CHD7: variants seen among roughly 807,000 people sequenced by gnomAD.
The protein encoded by CHD7 is chromodomain helicase DNA binding protein 7, also known as ATP-dependent chromatin remodeler CHD7.
Under a neutral mutation model 307.3 loss-of-function variants are expected in CHD7, and 24 were observed. The ratio of observed to expected loss-of-function variants is 0.08; its 90% CI spans 0.06 to 0.11. CHD7 has a LOEUF of 0.11. Among genes scored for constraint, CHD7 ranks in the 10% least tolerant of loss-of-function variants. CHD7 has a pLI of 1.00. For missense variants in CHD7, 3,106 were observed against 3,727.1 expected, an observed-to-expected ratio of 0.83 and a Z score of 4.34; for synonymous variants, 1,363 against 1,349.9, an observed-to-expected ratio of 1.01 and a Z score of -0.21.
At chr8:60,716,461 C>T (rs928380530) in intron 1 of CHD7, among the ~76,000 whole-genome samples, 1 of 152,224 alleles carries the variant, frequency 6.6e-6, no homozygotes, top group South Asian at 2.1e-4. Context: ...GTTCCCCTCT[C>T]AGTCTTCCAC....
intron 15 of CHD7, among the ~76,000 whole-genome samples, chr8:60,834,064 AT>A (rs1300212653): frequency 9.9e-5 from 15 of 152,016 alleles, no homozygotes; most frequent in Non-Finnish European, 2.1e-4. Flanking sequence ...GAAAGAATGC[AT>A]TTTTTTTCTG....
At chr8:60,719,596 G>A (rs1049547641) in intron 1 of CHD7, among the ~76,000 whole-genome samples, 18 of 152,032 alleles carry the variant, frequency 1.2e-4, no homozygotes, top group Admixed American at 1.2e-3. Context: ...GGGAGCCCTG[G>A]GGTAATAAAT....
intron 2 of CHD7, 67 bp from the exon 3 acceptor site, chr8:60,780,933 A>T (rs1304766892): frequency 2.1e-6 from 3 of 1,416,946 alleles, no homozygotes; most frequent in Non-Finnish European, 2.8e-6. Flanking sequence ...TCAGCCACTA[A>T]CTTTCAGTTC....
At position 60,785,836 on chromosome 8, in the gene CHD7, A is replaced by G. The variant is rs368014192; in HGVS notation, c.2096+4406A>G. On this transcript the variant is annotated intron_variant, in intron 3 of 37. Coordinates refer to ENST00000423902, the MANE Select transcript of CHD7 (RefSeq NM_017780.4). The stretch of plus-strand genomic sequence containing the variant: ...CCTTCCTTTGATTTTTTTTTTTTGT[A>G]GCTGTCCTGATGATTTTCTTATTCT... Among the ~76,000 whole-genome samples the G allele has an allele frequency of 4.7e-5, 7 of 150,206 alleles. No homozygotes were observed. In the South Asian group the frequency reaches 1.5e-3, roughly 32 times the overall value.
intron 1 of CHD7, among the ~76,000 whole-genome samples, chr8:60,716,945 T>C (rs1807636966): frequency 6.6e-6 from 1 of 152,220 alleles, no homozygotes; most frequent in Non-Finnish European, 1.5e-5. Context: ...TATAGTGGCT[T>C]TCAGAAATTG....
At position 60,845,028 on chromosome 8, in the gene CHD7, C is replaced by A. The variant is rs61737194; in HGVS notation, c.5015C>A (p.Ala1672Glu). The A allele has an allele frequency of 3.8e-5, 61 of 1,613,828 alleles. No individual in the cohort carries two copies. Among genetic ancestry groups the A allele is most frequent in the Non-Finnish European group, 4.9e-5 (58 of 1,179,878 alleles). The change falls in exon 22 of 38, where the codon GCG becomes GAG. Residue 1672 changes from alanine (A) to glutamate (E), a missense_variant. Physicochemically the swap from Ala to Glu is moderately radical, Grantham distance 107. Coordinates refer to ENST00000423902, the MANE Select transcript of CHD7 (RefSeq NM_017780.4). ...ATCTGGGATCTGATCACACCCACAG[C>A]GGATGGCCAGACTCGAGCCTTGGTC... Reference protein sequence around the residue: ...SFIWDLITPTADGQTRALVNH... With the variant: ...SFIWDLITPTEDGQTRALVNH...
At chr8:60,794,677 A>G (rs528507225) in intron 3 of CHD7, among the ~76,000 whole-genome samples, 2 of 152,350 alleles carry the variant, frequency 1.3e-5, no homozygotes, top group African/African-American at 4.8e-5. Context: ...ATTCGATAGC[A>G]AAACTACTTC....
At chr8:60,860,637 G>A (rs1805927086) in intron 34 of CHD7, among the ~76,000 whole-genome samples, 2 of 152,164 alleles carry the variant, frequency 1.3e-5, no homozygotes, top group African/African-American at 4.8e-5. Context: ...GTTTCACCAT[G>A]TTGGCCAGGC....
chr8:60,816,255 GTTGC>G, intron 7 of CHD7, 128 bp from the exon 8 acceptor site: 1 of 592,704 alleles, frequency 1.7e-6, no homozygotes, highest in Non-Finnish European at 3.0e-6. Flanking sequence ...TATATTAAAT[GTTGC>G]TCAGCAGCCT....
chr8:60,768,493 A>G (rs1321615521), intron 2 of CHD7, among the ~76,000 whole-genome samples: 3 of 152,190 alleles, frequency 2.0e-5, no homozygotes, highest in African/African-American at 7.2e-5. Flanking sequence ...CTGCAATACC[A>G]TGGGCTGCCC....
intron 7 of CHD7, chr8:60,808,864 G>A (rs1812658783): frequency 6.6e-6 from 1 of 152,298 alleles, no homozygotes; most frequent in Non-Finnish European, 1.5e-5. Flanking sequence ...ATATTGTGAT[G>A]AGCTAGGATG....
Position 60,852,911 on chromosome 8 carries a change from G to A in CHD7, c.6186G>A (p.Arg2062=), listed in dbSNP as rs1480818711. Residue 2062 remains arginine (R), a synonymous_variant, in exon 31 of 38, where the codon CGG becomes CGA. Transcript: ENST00000423902. ...CTCTGTACCGCATTGAGCTGCTACG[G>A]AAGATCCGCGAGCAGGTTCTCCATC... ...SRTLYRIELL[R]KIREQVLHHP... 1.2e-6 allele frequency: 2 copies of A among 1,613,882 alleles called. No individual in the cohort carries two copies. The highest frequency in any genetic ancestry group is 2.7e-5 in the African/African-American group (2 of 74,914).
At chr8:60,824,087 A>AG (rs762596853) in intron 13 of CHD7, 71 bp downstream of exon 13, 1 of 1,305,378 alleles carries the variant, frequency 7.7e-7, no homozygotes, top group Non-Finnish European at 1.1e-6. Context: ...CCCGTTGCTC[A>AG]GAATTTGATG....
At chr8:60,688,007 C>G (rs1805998329) in intron 1 of CHD7, among the ~76,000 whole-genome samples, 3 of 152,220 alleles carry the variant, frequency 2.0e-5, no homozygotes, top group Admixed American at 2.0e-4. Flanking sequence ...ATTGCTGTGT[C>G]TTACCAGCCC....
intron 2 of CHD7, among the ~76,000 whole-genome samples, chr8:60,767,019 G>A (rs1016698410): frequency 2.6e-5 from 4 of 152,214 alleles, no homozygotes; most frequent in African/African-American, 4.8e-5. Context: ...ACGAGAACCA[G>A]GAAGAGCCTG....
chr8:60,739,136 CT>C (rs1457911175), intron 1 of CHD7, among the ~76,000 whole-genome samples: 3 of 152,206 alleles, frequency 2.0e-5, no homozygotes, highest in Non-Finnish European at 4.4e-5. Flanking sequence ...TCTGGGCTCA[CT>C]TTTACCTGGA....
intron 2 of CHD7, among the ~76,000 whole-genome samples, chr8:60,765,300 A>G (rs1810419837): frequency 1.3e-5 from 1 of 76,762 alleles, no homozygotes; most frequent in African/African-American, 4.4e-5. Flanking sequence ...ACACATATGC[A>G]TGCATGCACG....
intron 2 of CHD7, among the ~76,000 whole-genome samples, chr8:60,746,458 G>A (rs1057436674): frequency 3.9e-5 from 6 of 152,060 alleles, no homozygotes; most frequent in African/African-American, 1.2e-4. Context: ...ATTTAATTAT[G>A]TTTTGCTTTA....
intron 4 of CHD7, among the ~76,000 whole-genome samples, chr8:60,796,531 A>AT (rs887765765): frequency 6.3e-4 from 96 of 152,202 alleles, no homozygotes; most frequent in African/African-American, 2.2e-3. Context: ...TTATGTTGTT[A>AT]TTTCACAAAT....
Sources: allele counts gnomAD v4.1 joint callset (sites outside exome capture counted in the v4.1 genomes callset), GRCh38; gene constraint gnomAD v4.1.1; transcripts MANE v1.5; gene names NCBI Gene and HGNC (gene_info 2026-07-23, HGNC 2026-07-21).